The following PCOLCE2 variants were observed in gnomAD, a reference collection of about 807,000 sequenced individuals.
PCOLCE2 encodes procollagen C-proteinase enhancer 2.
PCOLCE2 carries 42 observed loss-of-function variants against 47.0 expected under a neutral mutation model. The ratio of observed to expected loss-of-function variants is 0.89; its 90% CI spans 0.70 to 1.16. PCOLCE2 has a LOEUF of 1.16. Among genes scored for constraint, PCOLCE2 ranks in the 50% most tolerant of loss-of-function variants. PCOLCE2 has a pLI of 0.00. For missense variants in PCOLCE2, 500 were observed against 526.1 expected (o/e 0.95, Z 0.49); for synonymous variants, 169 against 191.7 (o/e 0.88, Z 0.98).
At position 142,888,949 on chromosome 3, in the gene PCOLCE2, C is replaced by G; in HGVS notation, c.-53G>C. On this transcript the variant is annotated 5_prime_UTR_variant, in exon 1 of 9. Transcript: ENST00000295992. ...CCCACGGCGCGCGCGCCGGCACACACGCCCCTCCGCACCCACCGCGCTCAC... is the reference window on the plus strand; with the variant it reads ...CCCACGGCGCGCGCGCCGGCACACAGGCCCCTCCGCACCCACCGCGCTCAC... The G allele has an allele frequency of 1.3e-6, 1 of 778,230 alleles. No individual in the cohort carries two copies. The highest frequency in any genetic ancestry group is 4.6e-5 in the Admixed American group (1 of 21,676). 48.2% of individuals were successfully genotyped at this position (778,230 alleles called of 1,614,324 possible).
At chr3:142,865,141 C>T (rs971485402) in intron 2 of PCOLCE2, among the ~76,000 whole-genome samples, 1 of 151,786 alleles carries the variant, frequency 6.6e-6, no homozygotes, top group East Asian at 1.9e-4. Context: ...CTCAACAACA[C>T]TTGCTATTCT....
At chr3:142,830,979 A>C (rs1238932867) in intron 5 of PCOLCE2, among the ~76,000 whole-genome samples, 1 of 152,190 alleles carries the variant, frequency 6.6e-6, no homozygotes, top group African/African-American at 2.4e-5. Flanking sequence ...GAGAGGGTAG[A>C]TCTACCTGAC....
In PCOLCE2 at chr3:142,889,002, G is replaced by GGCTCACACTGGCAGCAGCGCTT; in HGVS notation, c.-107_-106insAAGCGCTGCTGCCAGTGTGAGC. On this transcript the variant is annotated 5_prime_UTR_variant, in exon 1 of 9. Coordinates refer to ENST00000295992, the MANE Select transcript of PCOLCE2 (RefSeq NM_013363.4). ...CGCCGCTCACACTGGCAGCAGCGCT[G>GGCTCACACTGGCAGCAGCGCTT]GCTCACACCGGCGCTCGGCTGCCCG... 1 of 481,390 alleles carries GGCTCACACTGGCAGCAGCGCTT rather than the reference G, an allele frequency of 2.1e-6. No individual in the cohort carries two copies. Among genetic ancestry groups the GGCTCACACTGGCAGCAGCGCTT allele is most frequent in the Non-Finnish European group, 3.4e-6 (1 of 294,006 alleles). The allele number at this position is 481,390 out of a possible 1,614,324, so 29.8% of individuals were successfully genotyped here.
At position 142,818,341 on chromosome 3, in the gene PCOLCE2, T is replaced by C. The variant is rs371227630; in HGVS notation, c.1242A>G (p.Gln414=). 2 of 1,613,482 alleles carry C rather than the reference T, an allele frequency of 1.2e-6. No homozygotes were observed. The highest frequency in any genetic ancestry group is 1.7e-6 in the Non-Finnish European group (2 of 1,179,554). ...AAATGGACACAGTTCACTGTTAACA[T>C]TGCTTATTTTTTAAGGCATCCAGGA... The part of the protein sequence containing the change: ...QKLLDALKNK[Q]C Residue 414 remains glutamine (Q), a synonymous_variant, in exon 9 of 9, where the codon CAA becomes CAG. Coordinates refer to ENST00000295992, the MANE Select transcript of PCOLCE2 (RefSeq NM_013363.4).
At chr3:142,849,669 T>A (rs987939034) in intron 2 of PCOLCE2, among the ~76,000 whole-genome samples, 1 of 152,152 alleles carries the variant, frequency 6.6e-6, no homozygotes, top group Non-Finnish European at 1.5e-5. Flanking sequence ...ATCATAATTG[T>A]TTTACTCCTT....
intron 2 of PCOLCE2, among the ~76,000 whole-genome samples, chr3:142,851,863 G>C (rs867829510): frequency 6.6e-6 from 1 of 152,168 alleles, no homozygotes; most frequent in African/African-American, 2.4e-5. Context: ...AGACAATTCT[G>C]TTGACTCTCT....
intron 2 of PCOLCE2, among the ~76,000 whole-genome samples, chr3:142,865,592 A>T (rs548644322): frequency 6.6e-6 from 1 of 152,342 alleles, no homozygotes; most frequent in South Asian, 2.1e-4. Flanking sequence ...GATCAGCCAT[A>T]ATTTCTACAG....
At chr3:142,852,647 ATG>A (rs35154183) in intron 2 of PCOLCE2, among the ~76,000 whole-genome samples, 22,300 of 144,540 alleles carry the variant, frequency 0.15, 1,791 homozygotes, top group Admixed American at 0.23. Context: ...GCTGATCAAA[ATG>A]TGTGTGTGTG....
At chr3:142,835,828 C>A (rs1394496956) in intron 5 of PCOLCE2, among the ~76,000 whole-genome samples, 1 of 152,028 alleles carries the variant, frequency 6.6e-6, no homozygotes, top group African/African-American at 2.4e-5. Context: ...AAAAATTTTA[C>A]AGATGGTATC....
chr3:142,831,442 G>A (rs1183422600), intron 5 of PCOLCE2, among the ~76,000 whole-genome samples: 3 of 152,162 alleles, frequency 2.0e-5, no homozygotes, highest in South Asian at 2.1e-4. Context: ...TTCAGCCTCC[G>A]TAACTATAAG....
At chr3:142,855,651 G>T (rs903672551) in intron 2 of PCOLCE2, among the ~76,000 whole-genome samples, 5 of 152,182 alleles carry the variant, frequency 3.3e-5, no homozygotes, top group Non-Finnish European at 5.9e-5. Flanking sequence ...TTAAGTTGGG[G>T]CCATGAGTCT....
At chr3:142,862,574 G>A (rs986226153) in intron 2 of PCOLCE2, among the ~76,000 whole-genome samples, 2 of 152,128 alleles carry the variant, frequency 1.3e-5, no homozygotes, top group South Asian at 2.1e-4. Flanking sequence ...AATTCATCAG[G>A]TTTCACGAGA....
intron 7 of PCOLCE2, among the ~76,000 whole-genome samples, chr3:142,822,089 G>A (rs1407428214): frequency 6.6e-6 from 1 of 152,012 alleles, no homozygotes; most frequent in Non-Finnish European, 1.5e-5. Context: ...AGCTAATTTT[G>A]TATTTTTAGT....
chr3:142,870,380 A>G (rs1047414593), intron 2 of PCOLCE2, among the ~76,000 whole-genome samples: 1 of 152,236 alleles, frequency 6.6e-6, no homozygotes, highest in African/African-American at 2.4e-5. Context: ...TATCTCGGAC[A>G]GCACTTAGCT....
intron 1 of PCOLCE2, 99 bp downstream of exon 1, chr3:142,888,715 C>T (rs966587187): frequency 1.5e-5 from 11 of 710,316 alleles, no homozygotes; most frequent in Non-Finnish European, 2.3e-5. Flanking sequence ...GCTGGGTCAC[C>T]CAGGCGCGCC....
chr3:142,843,212 C>G, intron 3 of PCOLCE2, 164 bp from the exon 4 acceptor site: 1 of 710,098 alleles, frequency 1.4e-6, no homozygotes, highest in Non-Finnish European at 2.6e-6. Context: ...CATACATAAC[C>G]CCCCAACACA....
At chr3:142,856,622 A>G (rs1376823524) in intron 2 of PCOLCE2, among the ~76,000 whole-genome samples, 1 of 152,214 alleles carries the variant, frequency 6.6e-6, no homozygotes, top group Non-Finnish European at 1.5e-5. Flanking sequence ...CAGAAGCAGG[A>G]AGGCTAAGGT....
chr3:142,846,996 C>T (rs189762693), intron 3 of PCOLCE2, among the ~76,000 whole-genome samples: 4 of 152,290 alleles, frequency 2.6e-5, no homozygotes, highest in Admixed American at 2.6e-4. Context: ...TGAATAGGGA[C>T]ACACTTTTCC....
intron 2 of PCOLCE2, among the ~76,000 whole-genome samples, chr3:142,880,029 A>C (rs1193117700): frequency 6.6e-6 from 1 of 151,770 alleles, no homozygotes; most frequent in Non-Finnish European, 1.5e-5. Flanking sequence ...TTCTGGATTA[A>C]AAAATAAACA....
Sources: allele counts gnomAD v4.1 joint callset (sites outside exome capture counted in the v4.1 genomes callset), GRCh38; gene constraint gnomAD v4.1.1; transcripts MANE v1.5; gene names NCBI Gene and HGNC (gene_info 2026-07-23, HGNC 2026-07-21).